The following RBKS variants were observed in gnomAD, a reference collection of about 807,000 sequenced individuals.
The protein encoded by RBKS is ribokinase.
In RBKS, 33 loss-of-function variants were observed where a neutral mutation model predicts 33.9. That is an observed-to-expected ratio of 0.97 (90% CI 0.74 to 1.30). RBKS has a LOEUF of 1.30. Ranked by LOEUF, RBKS falls within the 50% of genes most tolerant of loss-of-function variation. The pLI is 0.00. For synonymous variants in RBKS, 125 were observed against 143.0 expected, an observed-to-expected ratio of 0.87 and a Z score of 0.90; for missense variants, 361 against 392.6, an observed-to-expected ratio of 0.92 and a Z score of 0.68.
intron 1 of RBKS, among the ~76,000 whole-genome samples, chr2:27,867,975 G>C (rs1240683096): frequency 6.6e-6 from 1 of 152,118 alleles, no homozygotes; most frequent in Non-Finnish European, 1.5e-5. Flanking sequence ...AGAAAAGTAT[G>C]CATTTGTAAA....
intron 5 of RBKS, among the ~76,000 whole-genome samples, chr2:27,833,533 G>T (rs1287620456): frequency 6.6e-6 from 1 of 152,116 alleles, no homozygotes; most frequent in Non-Finnish European, 1.5e-5. Flanking sequence ...TCAGAGGGAG[G>T]AAAGTGAAGC....
intron 5 of RBKS, among the ~76,000 whole-genome samples, chr2:27,841,199 G>A (rs547081907): frequency 6.6e-6 from 1 of 152,148 alleles, no homozygotes; most frequent in African/African-American, 2.4e-5. Context: ...TGCCCATCCG[G>A]ATTACTCTAT....
chr2:27,870,477 C>T (rs1338929144), intron 1 of RBKS: 4 of 196,078 alleles, frequency 2.0e-5, no homozygotes, highest in African/African-American at 9.3e-5. Flanking sequence ...AGTGATCTAC[C>T]TTTAGAAAGC....
chr2:27,834,485 A>G (rs1450068028), intron 5 of RBKS, among the ~76,000 whole-genome samples: 1 of 152,226 alleles, frequency 6.6e-6, no homozygotes, highest in Non-Finnish European at 1.5e-5. Context: ...TGTCCTTTAC[A>G]GATAGCCCAA....
intron 7 of RBKS, among the ~76,000 whole-genome samples, chr2:27,818,591 T>TCCTC (rs1678141887): frequency 6.6e-6 from 1 of 152,116 alleles, no homozygotes; most frequent in Non-Finnish European, 1.5e-5. Context: ...CATAGTTGCC[T>TCCTC]CCTCCCTCAA....
At chr2:27,844,191 C>T (rs1003729821) in intron 4 of RBKS, among the ~76,000 whole-genome samples, 7 of 143,728 alleles carry the variant, frequency 4.9e-5, no homozygotes, top group East Asian at 2.2e-4. Context: ...ACCTGGGAGG[C>T]GGAGGTAGCA....
chr2:27,848,969 G>A (rs1663679879), intron 2 of RBKS, among the ~76,000 whole-genome samples: 1 of 152,088 alleles, frequency 6.6e-6, no homozygotes, highest in Admixed American at 6.6e-5. Flanking sequence ...GGGAAGACAA[G>A]TTTTCTTCCC....
At chr2:27,819,708 C>A (rs1159384657) in intron 7 of RBKS, among the ~76,000 whole-genome samples, 1 of 152,196 alleles carries the variant, frequency 6.6e-6, no homozygotes, top group Admixed American at 6.5e-5. Context: ...AATCTATAAG[C>A]AGATTCATTC....
chr2:27,782,337 CTT>C (rs1397366802), intron 7 of RBKS, among the ~76,000 whole-genome samples: 1 of 151,670 alleles, frequency 6.6e-6, no homozygotes, highest in Admixed American at 6.6e-5. Flanking sequence ...ATGTGCAACA[CTT>C]AGCTAATTTT....
In RBKS at chr2:27,837,020, C is replaced by A. The variant is rs535659956; in HGVS notation, c.515-4243G>T. Reference sequence around the variant, plus strand: ...AGCCGAGGTGGCTCACACCTGTAATCCCAGCACTTTGGGCGGCCGAGGCAG... The same window carrying A: ...AGCCGAGGTGGCTCACACCTGTAATACCAGCACTTTGGGCGGCCGAGGCAG... On this transcript the variant is annotated intron_variant, in intron 5 of 7. Transcript: ENST00000302188. This position sits in a 1 kb window ranked among gnomAD's most constrained non-coding sequence, Gnocchi z 4.0. Among the ~76,000 whole-genome samples the A allele has an allele frequency of 7.9e-5, 12 of 152,252 alleles. No individual in the cohort carries two copies. The highest frequency in any genetic ancestry group is 3.4e-3 in the Middle Eastern group (1 of 294).
chr2:27,790,931 A>G (rs778200767), intron 7 of RBKS, among the ~76,000 whole-genome samples: 1 of 152,244 alleles, frequency 6.6e-6, no homozygotes, highest in Non-Finnish European at 1.5e-5. Context: ...ATTTATCCAA[A>G]AGAAATGAAA....
chr2:27,868,783 C>G (rs558588739), intron 1 of RBKS, among the ~76,000 whole-genome samples: 1 of 152,146 alleles, frequency 6.6e-6, no homozygotes, highest in Admixed American at 6.5e-5. Context: ...CCTGAAAGTT[C>G]TTTCCTTTGC....
chr2:27,801,971 TATATATATATATATATATATA>T (rs1677800321), intron 7 of RBKS, among the ~76,000 whole-genome samples: 1 of 86,604 alleles, frequency 1.2e-5, no homozygotes, highest in Admixed American at 1.2e-4. Context: ...AAAATATATA[TATATATATATATATATATATA>T]TTTTTTTTTT....
In RBKS at chr2:27,839,335, A is replaced by G. The variant is rs1409264951; in HGVS notation, c.514+3732T>C. Among the ~76,000 whole-genome samples the G allele has an allele frequency of 2.6e-5, 4 of 152,176 alleles. No individual in the cohort carries two copies. In the East Asian group the frequency reaches 7.7e-4, roughly 29 times the overall value. Reference sequence around the variant, plus strand: ...TTTATAATTGTTTATGTACTGTTCCATTTGCTTGGAAATGGATATAAAGAC... The same window carrying G: ...TTTATAATTGTTTATGTACTGTTCCGTTTGCTTGGAAATGGATATAAAGAC... On this transcript the variant is annotated intron_variant, in intron 5 of 7. Coordinates refer to ENST00000302188, the MANE Select transcript of RBKS (RefSeq NM_022128.3).
intron 7 of RBKS, among the ~76,000 whole-genome samples, chr2:27,805,326 GTC>G (rs1268488707): frequency 6.6e-6 from 1 of 152,032 alleles, no homozygotes; most frequent in Non-Finnish European, 1.5e-5. Context: ...TTTCTTTTCG[GTC>G]TCTCTGCAGT....
rs1312993779 is a variant in RBKS, at chr2:27,890,069, T to C, written c.89+188A>G. ...CTATTACGTCCCCTCCCCTGAGATTTACCTTTATATACTCAAGTTCTTTCA... is the reference window on the plus strand; with the variant it reads ...CTATTACGTCCCCTCCCCTGAGATTCACCTTTATATACTCAAGTTCTTTCA... On this transcript the variant is annotated intron_variant, in intron 1 of 7. Coordinates refer to ENST00000302188, the MANE Select transcript of RBKS (RefSeq NM_022128.3). This position sits in a 1 kb window ranked among gnomAD's most constrained non-coding sequence, Gnocchi z 4.8. 1.1e-5 allele frequency: 6 copies of C among 564,944 alleles called. No individual in the cohort carries two copies. The highest frequency in any genetic ancestry group is 3.2e-6 in the Non-Finnish European group (1 of 317,142). The allele number at this position is 564,944 out of a possible 1,614,324, so 35.0% of individuals were successfully genotyped here.
chr2:27,854,184 T>C (rs1663806111), intron 2 of RBKS, among the ~76,000 whole-genome samples: 2 of 152,234 alleles, frequency 1.3e-5, no homozygotes, highest in Admixed American at 6.5e-5. Flanking sequence ...AAAAGAGTCA[T>C]ACAAACTACA....
intron 1 of RBKS, among the ~76,000 whole-genome samples, chr2:27,888,209 C>T (rs1398962901): frequency 6.6e-6 from 1 of 151,928 alleles, no homozygotes; most frequent in African/African-American, 2.4e-5. Context: ...CTCACTGCTA[C>T]CTCCACCTCC....
rs1462999858 is a variant in RBKS at position 27,837,539 on chromosome 2, C to T, written c.515-4762G>A. Among the ~76,000 whole-genome samples, 1 of 152,134 alleles carries T rather than the reference C, an allele frequency of 6.6e-6. No homozygotes were observed. Among genetic ancestry groups the T allele is most frequent in the Non-Finnish European group, 1.5e-5 (1 of 68,020 alleles). On this transcript the variant is annotated intron_variant, in intron 5 of 7. Transcript: ENST00000302188. The surrounding 1 kb of genome is among the most constrained non-coding windows in gnomAD (Gnocchi z 4.0). ...AAACATGTACTTGTATGTTCATCAC[C>T]ATGCTAGTCACAATAGCAAAGACAT...
Sources: gnomAD v4.1 joint callset for allele counts (sites outside exome capture counted in the v4.1 genomes callset) on GRCh38, gnomAD v4.1.1 for gene constraint, Gnocchi (gnomAD v3.1) non-coding constraint, MANE v1.5 for transcripts, NCBI Gene and HGNC (gene_info 2026-07-23, HGNC 2026-07-21) for gene names.